Variants in PSMD14 observed in about 807,000 individuals in gnomAD.
PSMD14 encodes the protein ubiquitin C-terminal hydrolase PSMD14.
PSMD14 carries 7 observed loss-of-function variants against 41.2 expected under a neutral mutation model. That is an observed-to-expected ratio of 0.17 (90% CI 0.10 to 0.32). PSMD14 has a LOEUF of 0.32. PSMD14 is among the 10% of genes least tolerant of loss of function. The pLI is 1.00. For missense variants in PSMD14, 139 were observed against 375.6 expected, an observed-to-expected ratio of 0.37 and a Z score of 5.21; for synonymous variants, 114 against 122.3, an observed-to-expected ratio of 0.93 and a Z score of 0.45.
At chr2:161,409,470 T>C (rs1041428987) in intron 11 of PSMD14, 1 of 152,306 alleles carries the variant, frequency 6.6e-6, no homozygotes, top group Non-Finnish European at 1.5e-5. Flanking sequence ...TTACATTTTT[T>C]CCCCATTTCA....
intron 7 of PSMD14, 33 bp from the exon 8 acceptor site, chr2:161,385,431 A>C (rs1329046920): frequency 2.1e-5 from 30 of 1,435,716 alleles, no homozygotes; most frequent in Non-Finnish European, 2.9e-5. Context: ...TTGCTTTTTA[A>C]AAAAAAATTG....
chr2:161,308,497 A>T lies in PSMD14; in HGVS notation c.-245A>T, dbSNP rs9713. The stretch of plus-strand genomic sequence containing the variant: ...GCTGATTCATCGCCGGTTTGCAGAC[A>T]GAGCCGCGTCGGGTGTGCGCCGCTG... On this transcript the variant is annotated 5_prime_UTR_variant, in exon 1 of 12. Coordinates refer to ENST00000409682, the MANE Select transcript of PSMD14 (RefSeq NM_005805.6). 102,969 of 152,244 alleles carry T rather than the reference A, an allele frequency of 0.68. 35,074 individuals are homozygous for T. Among genetic ancestry groups the T allele is most frequent in the Admixed American group, 0.72 (11,040 of 15,286 alleles). The allele number at this position is 152,244 out of a possible 1,614,324, so 9.4% of individuals were successfully genotyped here. A position where few individuals can be genotyped will look rare whatever the true frequency, so the allele number is the denominator to read the frequency against.
intron 3 of PSMD14, among the ~76,000 whole-genome samples, chr2:161,329,548 A>T (rs577532852): frequency 1.1e-4 from 16 of 152,120 alleles, no homozygotes; most frequent in Admixed American, 3.9e-4. Context: ...ACATTTATGA[A>T]GGTCCTTTCT....
intron 3 of PSMD14, among the ~76,000 whole-genome samples, chr2:161,345,739 A>G (rs1281696243): frequency 6.6e-6 from 1 of 152,022 alleles, no homozygotes; most frequent in Non-Finnish European, 1.5e-5. Context: ...CTGTTTCTTA[A>G]ATATTTTTTT....
chr2:161,314,826 G>A (rs1689129978), intron 1 of PSMD14, among the ~76,000 whole-genome samples: 1 of 152,174 alleles, frequency 6.6e-6, no homozygotes, highest in Admixed American at 6.5e-5. Context: ...CATTTGGACT[G>A]TTTCCACCTT....
chr2:161,344,910 T>G (rs1271038282), intron 3 of PSMD14, among the ~76,000 whole-genome samples: 1 of 152,240 alleles, frequency 6.6e-6, no homozygotes, highest in African/African-American at 2.4e-5. Flanking sequence ...TGAATCAGTC[T>G]TCTTCTCTTT....
At chr2:161,411,257 A>G (rs776134643) in intron 11 of PSMD14, 45 bp from the exon 12 acceptor site, 1 of 1,312,772 alleles carries the variant, frequency 7.6e-7, no homozygotes, top group South Asian at 1.4e-5. Flanking sequence ...TTTATCTACC[A>G]GTAATATGGT....
intron 3 of PSMD14, among the ~76,000 whole-genome samples, chr2:161,365,601 A>G (rs1054211573): frequency 1.3e-5 from 2 of 152,286 alleles, no homozygotes; most frequent in Admixed American, 6.5e-5. Flanking sequence ...TCCATATGCA[A>G]TGTTTAAGAT....
Position 161,352,629 on chromosome 2 carries a change from A to T in PSMD14, c.49-14849A>T, listed in dbSNP as rs1445890761. 3.3e-5 allele frequency among the ~76,000 whole-genome samples: 5 copies of T among 152,022 alleles called. No individual in the cohort carries two copies. In the East Asian group the frequency reaches 7.7e-4, roughly 23 times the overall value. ...ATACTATCTGCCATCCAGTTTCCCA[A>T]GTCTATTTTTTCTTCCTTTTTTTCA... On this transcript the variant is annotated intron_variant, in intron 3 of 11. Coordinates refer to ENST00000409682, the MANE Select transcript of PSMD14 (RefSeq NM_005805.6).
At chr2:161,326,221 G>A (rs1682693503) in intron 3 of PSMD14, among the ~76,000 whole-genome samples, 1 of 152,060 alleles carries the variant, frequency 6.6e-6, no homozygotes. Flanking sequence ...AGTAGAGACA[G>A]GGTTTCACCA....
At chr2:161,377,229 C>T (rs1225705601) in intron 7 of PSMD14, among the ~76,000 whole-genome samples, 1 of 151,932 alleles carries the variant, frequency 6.6e-6, no homozygotes, top group Non-Finnish European at 1.5e-5. Flanking sequence ...TTATACACAC[C>T]TCTTTTCTTT....
intron 3 of PSMD14, among the ~76,000 whole-genome samples, chr2:161,326,731 G>A (rs925118222): frequency 6.6e-6 from 1 of 152,010 alleles, no homozygotes; most frequent in Non-Finnish European, 1.5e-5. Flanking sequence ...ATTGATTCTC[G>A]GACCTCTGAT....
intron 3 of PSMD14, among the ~76,000 whole-genome samples, chr2:161,349,843 C>T (rs1397764281): frequency 6.6e-6 from 1 of 151,874 alleles, no homozygotes; most frequent in Admixed American, 6.6e-5. Flanking sequence ...TGTTTTCTTG[C>T]CTAAAGTAAA....
At chr2:161,342,590 GTAGT>G (rs571080222) in intron 3 of PSMD14, among the ~76,000 whole-genome samples, 1 of 151,184 alleles carries the variant, frequency 6.6e-6, no homozygotes, top group Non-Finnish European at 1.5e-5. Flanking sequence ...TAGGCAGCGT[GTAGT>G]TAGATTTTGA....
chr2:161,370,310 T>A, intron 6 of PSMD14, 133 bp downstream of exon 6: 1 of 688,812 alleles, frequency 1.5e-6, no homozygotes, highest in Non-Finnish European at 2.3e-6. Flanking sequence ...TATCTGTAAA[T>A]ATCAGTGCCA....
rs536094079 is a variant in PSMD14 at position 161,395,294 on chromosome 2, A to G, written c.771+91A>G. On this transcript the variant is annotated intron_variant, in intron 10 of 11. Coordinates refer to ENST00000409682, the MANE Select transcript of PSMD14 (RefSeq NM_005805.6). ...TTGTGTAAGTAATTAAAAATAGAGA[A>G]TCCTGTTTTGTAAATAAAATAGTAA... 5.1e-6 allele frequency: 6 copies of G among 1,172,160 alleles called. No individual in the cohort carries two copies. The East Asian group carries it at 1.4e-4, about 27-fold the overall frequency. 72.6% of individuals were successfully genotyped at this position (1,172,160 alleles called of 1,614,324 possible).
intron 3 of PSMD14, among the ~76,000 whole-genome samples, chr2:161,328,952 A>C (rs1265265735): frequency 1.3e-5 from 2 of 152,190 alleles, no homozygotes; most frequent in Non-Finnish European, 2.9e-5. Context: ...AGAGCCACCA[A>C]ATAAAGTCAG....
chr2:161,407,862 C>T (rs1252351382), intron 10 of PSMD14: 2 of 151,844 alleles, frequency 1.3e-5, no homozygotes, highest in Non-Finnish European at 2.9e-5. Context: ...TTATCAGATG[C>T]TATGAATAAA....
chr2:161,361,426 T>C (rs921717261), intron 3 of PSMD14, among the ~76,000 whole-genome samples: 1 of 149,902 alleles, frequency 6.7e-6, no homozygotes, highest in Non-Finnish European at 1.5e-5. Context: ...GTTTTAATAA[T>C]GAACACTTCC....
Sources: gnomAD v4.1 joint callset for allele counts (sites outside exome capture counted in the v4.1 genomes callset) on GRCh38, gnomAD v4.1.1 for gene constraint, MANE v1.5 for transcripts, NCBI Gene and HGNC (gene_info 2026-07-23, HGNC 2026-07-21) for gene names.